Variants in ALCAM observed in about 807,000 individuals in gnomAD.
The protein encoded by ALCAM is CD166 antigen.
Under a neutral mutation model 70.9 loss-of-function variants are expected in ALCAM, and 30 were observed. The observed-to-expected ratio is 0.42, with a 90% CI of 0.32 to 0.57. ALCAM has a LOEUF of 0.57. Ranked by LOEUF, ALCAM falls within the 20% of genes least tolerant of loss-of-function variation. The pLI is 0.11. For synonymous variants in ALCAM, 249 were observed against 242.5 expected, an observed-to-expected ratio of 1.03 and a Z score of -0.25; for missense variants, 591 against 695.1, an observed-to-expected ratio of 0.85 and a Z score of 1.68.
At chr3:105,368,223 A>AAGAGGGAGAGAGAGAG (rs1935122581) in intron 1 of ALCAM, among the ~76,000 whole-genome samples, 1 of 67,790 alleles carries the variant, frequency 1.5e-5, no homozygotes, top group Non-Finnish European at 2.8e-5. Flanking sequence ...TGAGTCTTGG[A>AAGAGGGAGAGAGAGAG]AGAGAGAGAG....
intron 1 of ALCAM, among the ~76,000 whole-genome samples, chr3:105,512,539 T>C (rs915921115): frequency 3.9e-5 from 6 of 151,910 alleles, no homozygotes; most frequent in African/African-American, 1.4e-4. Flanking sequence ...TACAGAGCAA[T>C]AGAATCTAAA....
intron 1 of ALCAM, chr3:105,513,263 G>GAC (rs1052063555): frequency 2.6e-5 from 4 of 151,788 alleles, no homozygotes; most frequent in Non-Finnish European, 5.9e-5. Flanking sequence ...TTTCATTGTG[G>GAC]ACAAGTATGT....
At chr3:105,507,124 A>T (rs1411890814) in intron 1 of ALCAM, among the ~76,000 whole-genome samples, 2 of 152,138 alleles carry the variant, frequency 1.3e-5, no homozygotes, top group Non-Finnish European at 2.9e-5. Flanking sequence ...TTCTTAGTTT[A>T]TGGAAAAATT....
At chr3:105,444,797 A>C (rs1185499772) in intron 1 of ALCAM, among the ~76,000 whole-genome samples, 1 of 152,182 alleles carries the variant, frequency 6.6e-6, no homozygotes, top group Non-Finnish European at 1.5e-5. Context: ...GCAGTCAATT[A>C]GTTAAATAAT....
At chr3:105,518,416 G>C (rs6776462) in intron 1 of ALCAM, among the ~76,000 whole-genome samples, 72,577 of 151,862 alleles carry the variant, frequency 0.48, 17,929 homozygotes, top group East Asian at 0.8. Flanking sequence ...GTATGAACAA[G>C]ACTTAATACA....
At chr3:105,453,532 T>C (rs1937485019) in intron 1 of ALCAM, among the ~76,000 whole-genome samples, 1 of 152,244 alleles carries the variant, frequency 6.6e-6, no homozygotes. Context: ...GTTCTTTTTG[T>C]TTAGGATTGT....
intron 1 of ALCAM, among the ~76,000 whole-genome samples, chr3:105,434,823 C>T (rs1937015160): frequency 6.6e-6 from 1 of 151,974 alleles, no homozygotes; most frequent in Non-Finnish European, 1.5e-5. Context: ...TAGTTGAGCA[C>T]CTAATGAAAT....
chr3:105,541,085 A>G (rs921287316), intron 7 of ALCAM, among the ~76,000 whole-genome samples: 2 of 150,362 alleles, frequency 1.3e-5, no homozygotes, highest in Admixed American at 6.7e-5. Context: ...TACATCATCT[A>G]TATTTTTCCT....
intron 1 of ALCAM, among the ~76,000 whole-genome samples, chr3:105,409,390 A>T (rs1465393834): frequency 6.6e-6 from 1 of 152,116 alleles, no homozygotes; most frequent in African/African-American, 2.4e-5. Flanking sequence ...AAAGGAAGGA[A>T]ATAATGATAT....
chr3:105,451,468 CAAGAGACTAATTA>C (rs140232945), intron 1 of ALCAM, among the ~76,000 whole-genome samples: 22,739 of 151,944 alleles, frequency 0.15, 1,813 homozygotes, highest in Middle Eastern at 0.19. Flanking sequence ...GTCATTTCTA[CAAGAGACTAATTA>C]AATAAAACAC....
At chr3:105,388,453 A>G (rs1322837267) in intron 1 of ALCAM, among the ~76,000 whole-genome samples, 1 of 151,618 alleles carries the variant, frequency 6.6e-6, no homozygotes, top group Non-Finnish European at 1.5e-5. Context: ...CTCTTAGAGT[A>G]TTACAAAATG....
intron 5 of ALCAM, 146 bp from the exon 6 acceptor site, chr3:105,534,517 T>C: frequency 2.8e-6 from 2 of 717,654 alleles, no homozygotes; most frequent in South Asian, 3.6e-5. Flanking sequence ...TGAAACGACA[T>C]CTAACCTCAC....
rs148026012 is a variant in ALCAM, at chr3:105,565,928, A to G, written c.1665-5924A>G. 2.1e-3 allele frequency among the ~76,000 whole-genome samples: 327 copies of G among 152,266 alleles called. 3 individuals carry two copies. Among genetic ancestry groups the G allele is most frequent in the African/African-American group, 7.5e-3 (310 of 41,550 alleles). ...AGTATGATTTCTGCCTTCTCAACTC[A>G]GTGAAAACTCTTTTCTGCTTGGGTC... On this transcript the variant is annotated intron_variant, in intron 14 of 15. Coordinates refer to ENST00000306107, the MANE Select transcript of ALCAM (RefSeq NM_001627.4).
intron 1 of ALCAM, 72 bp downstream of exon 1, chr3:105,367,553 C>CTCGCTT: frequency 6.4e-7 from 1 of 1,564,944 alleles, no homozygotes; most frequent in Non-Finnish European, 8.8e-7. Flanking sequence ...CCGTCCCAGC[C>CTCGCTT]TCGCACCCCC....
rs1939494464 is a variant in ALCAM, at chr3:105,520,083, T to C, written c.90T>C (p.Thr30=). ...CCCCCAAAGGCCTTGGATGGTATAC[T>C]GTAAATTCAGCATATGGAGATACCA... ...TVFRPGLGWY[T]VNSAYGDTII... is the part of the protein sequence containing the mutation. The change falls in exon 2 of 16, where the codon ACT becomes ACC. Residue 30 remains threonine (T), a synonymous_variant. Transcript: ENST00000306107. 3.7e-6 allele frequency: 6 copies of C among 1,610,934 alleles called. No individual in the cohort carries two copies. Among genetic ancestry groups the C allele is most frequent in the Admixed American group, 1.7e-5 (1 of 59,896 alleles).
At chr3:105,389,711 A>G (rs1935761274) in intron 1 of ALCAM, among the ~76,000 whole-genome samples, 1 of 151,374 alleles carries the variant, frequency 6.6e-6, no homozygotes, top group Non-Finnish European at 1.5e-5. Context: ...TGCATGCATT[A>G]GCTGTTTATC....
chr3:105,429,115 A>T (rs545396519), intron 1 of ALCAM, among the ~76,000 whole-genome samples: 137 of 152,068 alleles, frequency 9.0e-4, no homozygotes, highest in Non-Finnish European at 1.8e-3. Context: ...TTTTAAACTC[A>T]AATTCCATCT....
chr3:105,454,945 G>T (rs1441003440), intron 1 of ALCAM, among the ~76,000 whole-genome samples: 1 of 151,664 alleles, frequency 6.6e-6, no homozygotes, highest in Non-Finnish European at 1.5e-5. Context: ...CTCCCAAAGT[G>T]CTGGGATTAC....
At chr3:105,377,881 A>G (rs1318760792) in intron 1 of ALCAM, among the ~76,000 whole-genome samples, 2 of 152,042 alleles carry the variant, frequency 1.3e-5, no homozygotes, top group South Asian at 2.1e-4. Flanking sequence ...AAATATTTGT[A>G]TTAGTTCGTT....
Sources: gnomAD v4.1 joint callset for allele counts (sites outside exome capture counted in the v4.1 genomes callset) on GRCh38, gnomAD v4.1.1 for gene constraint, MANE v1.5 for transcripts, NCBI Gene and HGNC (gene_info 2026-07-23, HGNC 2026-07-21) for gene names.